ARL8B: variants seen among roughly 807,000 people sequenced by gnomAD.
The protein encoded by ARL8B is ARF like GTPase 8B.
A neutral mutation model predicts 30.6 loss-of-function variants in ARL8B; 9 were observed. The observed-to-expected ratio is 0.29, with a 90% CI of 0.18 to 0.51. ARL8B has a LOEUF of 0.51. Among genes scored for constraint, ARL8B ranks in the 20% least tolerant of loss-of-function variants. The probability of loss-of-function intolerance (pLI) is 0.97; values close to 1 mark genes in which losing one functional copy is unlikely to be tolerated. For missense variants in ARL8B, 130 were observed against 227.2 expected (o/e 0.57, Z 2.75); for synonymous variants, 74 against 76.0 (o/e 0.97, Z 0.14).
chr3:5,169,440 C>T (rs1364823210), intron 1 of ARL8B, among the ~76,000 whole-genome samples: 1 of 151,692 alleles, frequency 6.6e-6, no homozygotes, highest in Non-Finnish European at 1.5e-5. Flanking sequence ...TATGATAATT[C>T]TATTTTTAGG....
chr3:5,161,752 T>A lies in ARL8B; in HGVS notation c.124-8751T>A, dbSNP rs144124357. On this transcript the variant is annotated intron_variant, in intron 1 of 6. Transcript: ENST00000256496. Reference sequence around the variant, plus strand: ...CAAGTAGCACAGTGGGTAGGCACTCTGCAGAAACATTCCTATTGTTATGTG... The same window carrying A: ...CAAGTAGCACAGTGGGTAGGCACTCAGCAGAAACATTCCTATTGTTATGTG... 1.3e-3 allele frequency among the ~76,000 whole-genome samples: 205 copies of A among 152,362 alleles called. 1 individual carries two copies. Among genetic ancestry groups the A allele is most frequent in the African/African-American group, 4.9e-3 (202 of 41,584 alleles).
At chr3:5,154,999 T>TG (rs2106564138) in intron 1 of ARL8B, among the ~76,000 whole-genome samples, 1 of 152,370 alleles carries the variant, frequency 6.6e-6, no homozygotes, top group South Asian at 2.1e-4. Flanking sequence ...CCTCCCAAAG[T>TG]GCTGGGATTA....
At chr3:5,165,916 G>A (rs2054619939) in intron 1 of ARL8B, among the ~76,000 whole-genome samples, 1 of 152,110 alleles carries the variant, frequency 6.6e-6, no homozygotes, top group African/African-American at 2.4e-5. Flanking sequence ...ATTTCACTGT[G>A]TTCTTTCCAG....
At chr3:5,163,105 C>T (rs1281366649) in intron 1 of ARL8B, among the ~76,000 whole-genome samples, 1 of 151,764 alleles carries the variant, frequency 6.6e-6, no homozygotes, top group Non-Finnish European at 1.5e-5. Context: ...CTCCTACCTC[C>T]ACCTCTGAAG....
intron 1 of ARL8B, among the ~76,000 whole-genome samples, chr3:5,135,531 T>C (rs2054317035): frequency 6.6e-6 from 1 of 151,858 alleles, no homozygotes. Flanking sequence ...CCATCTCGGC[T>C]TACTGCAACC....
At chr3:5,161,992 G>A (rs192699734) in intron 1 of ARL8B, among the ~76,000 whole-genome samples, 102 of 152,286 alleles carry the variant, frequency 6.7e-4, no homozygotes, top group Middle Eastern at 3.4e-3. Context: ...GTAGCTTTAA[G>A]GGTTTATAAG....
At chr3:5,127,339 A>C (rs2054238947) in intron 1 of ARL8B, among the ~76,000 whole-genome samples, 1 of 152,228 alleles carries the variant, frequency 6.6e-6, no homozygotes, top group African/African-American at 2.4e-5. Flanking sequence ...ATCTTAATCC[A>C]TTAAACATCT....
At chr3:5,172,081 C>G in intron 2 of ARL8B, 69 bp from the exon 3 acceptor site, 1 of 1,398,680 alleles carries the variant, frequency 7.1e-7, no homozygotes, top group East Asian at 2.3e-5. Flanking sequence ...TTCTTTTTTT[C>G]TGTTACTTCC....
chr3:5,129,045 G>A (rs1187627026), intron 1 of ARL8B, among the ~76,000 whole-genome samples: 1 of 152,128 alleles, frequency 6.6e-6, no homozygotes, highest in Non-Finnish European at 1.5e-5. Flanking sequence ...TACTCAATTT[G>A]ATCTGCACTT....
intron 1 of ARL8B, among the ~76,000 whole-genome samples, chr3:5,168,725 T>A (rs2054644722): frequency 6.6e-6 from 1 of 152,238 alleles, no homozygotes; most frequent in South Asian, 2.1e-4. Flanking sequence ...CCAGAAACAT[T>A]GAGAACACAT....
chr3:5,175,832 G>T (rs930424244), intron 6 of ARL8B, among the ~76,000 whole-genome samples: 1 of 152,094 alleles, frequency 6.6e-6, no homozygotes, highest in Non-Finnish European at 1.5e-5. Context: ...CCCTGTAGTT[G>T]TCTCTGTGTC....
chr3:5,140,505 G>A (rs1476560871), intron 1 of ARL8B, among the ~76,000 whole-genome samples: 1 of 151,516 alleles, frequency 6.6e-6, no homozygotes, highest in Admixed American at 6.6e-5. Flanking sequence ...TAAATTACCA[G>A]TCTTGGGTAT....
Position 5,163,073 on chromosome 3 carries a change from C to T in ARL8B, c.124-7430C>T, listed in dbSNP as rs916228730. ...CGTGATTTCAGCTCACTGCAACCTC[C>T]GCTTCCCTGGTTGAAGTGATTCTCC... On this transcript the variant is annotated intron_variant, in intron 1 of 6. Transcript: ENST00000256496. Among the ~76,000 whole-genome samples the T allele has an allele frequency of 1.5e-4, 22 of 151,332 alleles. No homozygotes were observed. The South Asian group carries it at 4.4e-3, about 30-fold the overall frequency.
At position 5,134,802 on chromosome 3, in the gene ARL8B, G is replaced by A. The variant is rs147643665; in HGVS notation, c.123+12214G>A. Among the ~76,000 whole-genome samples, 3 of 152,238 alleles carry A rather than the reference G, an allele frequency of 2.0e-5. No individual in the cohort carries two copies. In the East Asian group the frequency reaches 5.8e-4, roughly 29 times the overall value. On this transcript the variant is annotated intron_variant, in intron 1 of 6. Transcript: ENST00000256496. ...GATAGCAGTTCATTTTGGAACATGC[G>A]GACATTACCATAAAACAAGTTAGGA...
intron 4 of ARL8B, 105 bp from the exon 5 acceptor site, chr3:5,173,912 G>A (rs755076831): frequency 7.0e-6 from 6 of 854,360 alleles, no homozygotes; most frequent in Non-Finnish European, 1.2e-5. Flanking sequence ...TAACATTGTG[G>A]AATGTGTTAA....
intron 1 of ARL8B, among the ~76,000 whole-genome samples, chr3:5,169,947 AC>A (rs1280566089): frequency 6.6e-6 from 1 of 152,244 alleles, no homozygotes; most frequent in African/African-American, 2.4e-5. Flanking sequence ...ATTTTGGAAT[AC>A]ATGTGTATGT....
chr3:5,175,092 C>G (rs955768398), intron 6 of ARL8B, among the ~76,000 whole-genome samples: 1 of 152,006 alleles, frequency 6.6e-6, no homozygotes, highest in African/African-American at 2.4e-5. Flanking sequence ...TGAGCCCGGC[C>G]TATATGTTAT....
At chr3:5,127,195 T>A (rs1431477510) in intron 1 of ARL8B, among the ~76,000 whole-genome samples, 1 of 152,156 alleles carries the variant, frequency 6.6e-6, no homozygotes, top group Non-Finnish European at 1.5e-5. Context: ...TCCAGTGAGG[T>A]TAAGTGGAAT....
chr3:5,150,542 G>T (rs550304406), intron 1 of ARL8B, among the ~76,000 whole-genome samples: 1 of 152,114 alleles, frequency 6.6e-6, no homozygotes, highest in South Asian at 2.1e-4. Flanking sequence ...CAGCACTTTG[G>T]TAGGCCAAGG....
Sources: allele counts gnomAD v4.1 joint callset (sites outside exome capture counted in the v4.1 genomes callset), GRCh38; gene constraint gnomAD v4.1.1; transcripts MANE v1.5; gene names NCBI Gene and HGNC (gene_info 2026-07-23, HGNC 2026-07-21).